DLG2: variants seen among roughly 807,000 people sequenced by gnomAD.
DLG2 encodes disks large homolog 2.
A neutral mutation model predicts 132.5 loss-of-function variants in DLG2; 45 were observed. That is an observed-to-expected ratio of 0.34 (90% confidence interval 0.27 to 0.44). The LOEUF is 0.44. DLG2 is among the 20% of genes least tolerant of loss of function. The pLI is 1.00. For synonymous variants in DLG2, 424 were observed against 419.6 expected (o/e 1.01, Z -0.13); for missense variants, 1,045 against 1,196.9 (o/e 0.87, Z 1.87).
chr11:84,352,695 T>A (rs1031842312), intron 7 of DLG2, among the ~76,000 whole-genome samples: 2 of 152,180 alleles, frequency 1.3e-5, no homozygotes, highest in Admixed American at 1.3e-4. Context: ...ATTTTTAATG[T>A]CTTAAAATAA....
chr11:84,816,583 T>G (rs1383950397), intron 6 of DLG2, among the ~76,000 whole-genome samples: 1 of 151,950 alleles, frequency 6.6e-6, no homozygotes, highest in Non-Finnish European at 1.5e-5. Context: ...ATCTGTACTA[T>G]GTACCTTATA....
At chr11:84,799,193 G>A (rs981399943) in intron 6 of DLG2, among the ~76,000 whole-genome samples, 1 of 152,152 alleles carries the variant, frequency 6.6e-6, no homozygotes, top group Non-Finnish European at 1.5e-5. Flanking sequence ...TGATCCCAGA[G>A]CACTTTATCT....
chr11:84,157,091 C>T (rs543741365), intron 9 of DLG2, among the ~76,000 whole-genome samples: 35 of 151,930 alleles, frequency 2.3e-4, no homozygotes, highest in East Asian at 5.8e-4. Flanking sequence ...AAAACAGGCA[C>T]GGTTTGAGTA....
chr11:84,279,140 T>C (rs2097823041), intron 7 of DLG2, among the ~76,000 whole-genome samples: 1 of 151,810 alleles, frequency 6.6e-6, no homozygotes, highest in African/African-American at 2.4e-5. Context: ...AACAACCCCA[T>C]CAAAAAGTGG....
rs773728708 is a variant in DLG2 at position 84,121,932 on chromosome 11, GA to G, written c.625-22886del. 2.0e-3 allele frequency among the ~76,000 whole-genome samples: 305 copies of G among 152,174 alleles called. 3 individuals are homozygous for G. The highest frequency in any genetic ancestry group is 2.0e-3 in the Non-Finnish European group (139 of 67,998). ...TATATTTGAATAATGCTGAGAGATA[GA>G]GATAGAGTAGGACTTATCAGCCCCA... On this transcript the variant is annotated intron_variant, in intron 9 of 27. Coordinates refer to ENST00000376104, the MANE Select transcript of DLG2 (RefSeq NM_001142699.3).
At chr11:85,328,801 A>G (rs1412795523) in intron 3 of DLG2, among the ~76,000 whole-genome samples, 34 of 126,524 alleles carry the variant, frequency 2.7e-4, no homozygotes, top group Admixed American at 6.6e-4. Context: ...AAGGAAATAA[A>G]GGGTATTCAA....
At chr11:83,999,622 C>T (rs2094234396) in intron 11 of DLG2, among the ~76,000 whole-genome samples, 1 of 152,106 alleles carries the variant, frequency 6.6e-6, no homozygotes, top group Admixed American at 6.5e-5. Context: ...AACAGACATG[C>T]TCAGCTCACT....
chr11:85,482,950 T>C (rs1049541820), intron 3 of DLG2, among the ~76,000 whole-genome samples: 1 of 152,234 alleles, frequency 6.6e-6, no homozygotes, highest in African/African-American at 2.4e-5. Context: ...CTATATAAGA[T>C]ATCTGATATA....
At chr11:84,148,473 C>A (rs547132249) in intron 9 of DLG2, among the ~76,000 whole-genome samples, 1 of 152,096 alleles carries the variant, frequency 6.6e-6, no homozygotes, top group African/African-American at 2.4e-5. Context: ...TGAGAACACA[C>A]AGTATTTGGC....
intron 24 of DLG2, among the ~76,000 whole-genome samples, chr11:83,471,387 T>C (rs545644930): frequency 8.5e-5 from 13 of 152,236 alleles, no homozygotes; most frequent in Middle Eastern, 3.4e-3. Context: ...TCCTGCCTTT[T>C]AAGGGGCTAC....
Position 85,311,580 on chromosome 11 carries a change from C to T in DLG2, c.41-26215G>A, listed in dbSNP as rs150970562. On this transcript the variant is annotated intron_variant, in intron 3 of 27. Transcript: ENST00000376104. Reference sequence around the variant, plus strand: ...TAAAGGATTACTCAGTCTCTGGTTACCCATGCTGAGGTAAATTGTCCCATC... The same window carrying T: ...TAAAGGATTACTCAGTCTCTGGTTATCCATGCTGAGGTAAATTGTCCCATC... Among the ~76,000 whole-genome samples, 538 of 152,182 alleles carry T rather than the reference C, an allele frequency of 3.5e-3. 4 individuals are homozygous for T. Among genetic ancestry groups the T allele is most frequent in the African/African-American group, 0.013 (528 of 41,534 alleles).
chr11:85,053,135 C>T (rs1313139240), intron 6 of DLG2, among the ~76,000 whole-genome samples: 1 of 152,120 alleles, frequency 6.6e-6, no homozygotes, highest in Non-Finnish European at 1.5e-5. Flanking sequence ...AAGGAAGGCA[C>T]TTCACCTCTA....
intron 14 of DLG2, among the ~76,000 whole-genome samples, chr11:83,942,538 C>A: frequency 6.6e-6 from 1 of 152,068 alleles, no homozygotes; most frequent in Admixed American, 6.6e-5. Flanking sequence ...TTCTAAATGA[C>A]ATTAAGAATT....
At chr11:84,378,329 C>A (rs1440446514) in intron 7 of DLG2, among the ~76,000 whole-genome samples, 5 of 152,064 alleles carry the variant, frequency 3.3e-5, no homozygotes, top group Admixed American at 3.3e-4. Flanking sequence ...AGAAGGCAGC[C>A]ATATACAAGC....
intron 9 of DLG2, among the ~76,000 whole-genome samples, chr11:84,130,519 CACACATATAT>C (rs2094373605): frequency 8.4e-6 from 1 of 118,436 alleles, no homozygotes; most frequent in African/African-American, 3.8e-5. Context: ...CACACACACA[CACACATATAT>C]GTGTGTGTGT....
intron 6 of DLG2, among the ~76,000 whole-genome samples, chr11:84,706,964 C>T (rs542164462): frequency 6.6e-6 from 1 of 151,910 alleles, no homozygotes; most frequent in African/African-American, 2.4e-5. Flanking sequence ...TTAAGGGAGA[C>T]TTGTACACCA....
At chr11:84,343,807 GC>G (rs1225215222) in intron 7 of DLG2, among the ~76,000 whole-genome samples, 1 of 152,098 alleles carries the variant, frequency 6.6e-6, no homozygotes, top group Non-Finnish European at 1.5e-5. Context: ...ATTTAAAATA[GC>G]CTAAAATTTA....
chr11:85,333,910 C>T lies in DLG2; in HGVS notation c.41-48545G>A, dbSNP rs114700467. Among the ~76,000 whole-genome samples, 265 of 151,544 alleles carry T rather than the reference C, an allele frequency of 1.7e-3. 1 individual carries two copies. The highest frequency in any genetic ancestry group is 6.2e-3 in the African/African-American group (257 of 41,324). ...TTGGTTTTTTTTTTTCACTGTGTCT[C>T]TGACAGGTTTTGGTATCAGAATGAT... On this transcript the variant is annotated intron_variant, in intron 3 of 27. Coordinates refer to ENST00000376104, the MANE Select transcript of DLG2 (RefSeq NM_001142699.3).
chr11:84,079,278 G>GTTTTTT (rs34283629), intron 10 of DLG2, among the ~76,000 whole-genome samples: 4 of 147,258 alleles, frequency 2.7e-5, no homozygotes, highest in Non-Finnish European at 1.5e-5. Context: ...TTTTTGGTTT[G>GTTTTTT]TTTTTTTTTT....
Sources: gnomAD v4.1 joint callset for allele counts (sites outside exome capture counted in the v4.1 genomes callset) on GRCh38, gnomAD v4.1.1 for gene constraint, MANE v1.5 for transcripts, NCBI Gene and HGNC (gene_info 2026-07-23, HGNC 2026-07-21) for gene names.